Variants in UBE3C observed in about 807,000 individuals in gnomAD.
The protein encoded by UBE3C is ubiquitin protein ligase E3C, also known as ubiquitin-protein ligase E3C.
A neutral mutation model predicts 129.4 loss-of-function variants in UBE3C; 42 were observed. The ratio of observed to expected loss-of-function variants is 0.32; its 90% CI spans 0.25 to 0.42. The LOEUF (loss-of-function observed/expected upper bound fraction) is 0.42, where lower values mean the gene tolerates loss of function less well. Among genes scored for constraint, UBE3C ranks in the 10% least tolerant of loss-of-function variants. The probability of loss-of-function intolerance (pLI) is 1.00; values close to 1 mark genes in which losing one functional copy is unlikely to be tolerated. For missense variants in UBE3C, 1,049 were observed against 1,319.1 expected (o/e 0.80, Z 3.17); for synonymous variants, 510 against 492.4 (o/e 1.04, Z -0.47).
intron 2 of UBE3C, among the ~76,000 whole-genome samples, chr7:157,165,232 T>A (rs1272029552): frequency 6.6e-6 from 1 of 152,074 alleles, no homozygotes; most frequent in Non-Finnish European, 1.5e-5. Context: ...CTTCTCCTCC[T>A]CTCCTACTTG....
intron 9 of UBE3C, among the ~76,000 whole-genome samples, chr7:157,184,442 T>C (rs1427653396): frequency 1.3e-5 from 2 of 152,242 alleles, no homozygotes; most frequent in African/African-American, 4.8e-5. Context: ...AAAATTACTT[T>C]CAAGTTCTTA....
chr7:157,166,696 C>T (rs190522167), intron 2 of UBE3C, among the ~76,000 whole-genome samples: 15 of 146,656 alleles, frequency 1.0e-4, no homozygotes, highest in African/African-American at 2.0e-4. Flanking sequence ...GCTGAGATCA[C>T]GCTGTTGCAC....
intron 14 of UBE3C, among the ~76,000 whole-genome samples, chr7:157,220,190 G>A (rs1795699026): frequency 6.6e-6 from 1 of 152,114 alleles, no homozygotes; most frequent in African/African-American, 2.4e-5. Flanking sequence ...CAGCCTGGGT[G>A]ACAGAGTGAG....
chr7:157,164,190 T>C (rs922005598), intron 2 of UBE3C, among the ~76,000 whole-genome samples: 4 of 152,048 alleles, frequency 2.6e-5, no homozygotes, highest in African/African-American at 9.7e-5. Context: ...TACTGAGTCT[T>C]GCTCTGTGAC....
chr7:157,192,903 G>A (rs571364835), intron 10 of UBE3C: 1 of 743,648 alleles, frequency 1.3e-6, no homozygotes, highest in South Asian at 1.6e-5. Context: ...GAAGACATTT[G>A]AGGTAGTGAA....
chr7:157,159,215 A>G (rs1807999636), intron 1 of UBE3C, among the ~76,000 whole-genome samples: 1 of 152,152 alleles, frequency 6.6e-6, no homozygotes, highest in African/African-American at 2.4e-5. Context: ...ACACACCATG[A>G]TTGTGGAGGA....
In UBE3C at chr7:157,171,457, C is replaced by G. The variant is rs139793291; in HGVS notation, c.342+1007C>G. Among the ~76,000 whole-genome samples, 755 of 151,626 alleles carry G rather than the reference C, an allele frequency of 5.0e-3. 1 individual carries two copies. Among genetic ancestry groups the G allele is most frequent in the Middle Eastern group, 0.024 (7 of 294 alleles). On this transcript the variant is annotated intron_variant, in intron 4 of 22. Coordinates refer to ENST00000348165, the MANE Select transcript of UBE3C (RefSeq NM_014671.3). ...GGTCTCATGTTTTTAAAAAAAATCCCAAATGTAATCGTAGTTCTCTAAAAT... is the reference window on the plus strand; with the variant it reads ...GGTCTCATGTTTTTAAAAAAAATCCGAAATGTAATCGTAGTTCTCTAAAAT...
intron 18 of UBE3C, among the ~76,000 whole-genome samples, chr7:157,244,842 C>T (rs1284804463): frequency 6.6e-6 from 1 of 152,298 alleles, no homozygotes; most frequent in East Asian, 1.9e-4. Context: ...CAGGTCTTTT[C>T]CATATACCTA....
intron 22 of UBE3C, among the ~76,000 whole-genome samples, chr7:157,265,658 G>A (rs774726686): frequency 6.6e-6 from 1 of 152,196 alleles, no homozygotes; most frequent in Non-Finnish European, 1.5e-5. Flanking sequence ...ATTATCAGAT[G>A]AGAAAAGCAC....
intron 13 of UBE3C, among the ~76,000 whole-genome samples, chr7:157,215,109 G>A (rs984269300): frequency 3.9e-5 from 6 of 152,300 alleles, no homozygotes; most frequent in African/African-American, 1.2e-4. Flanking sequence ...AAATTGGCAC[G>A]AAATACCCAC....
intron 18 of UBE3C, among the ~76,000 whole-genome samples, chr7:157,247,101 G>A (rs1043821868): frequency 6.6e-6 from 1 of 152,040 alleles, no homozygotes; most frequent in Non-Finnish European, 1.5e-5. Context: ...ATGTCGGTTG[G>A]TCTGGAACTC....
At position 157,207,705 on chromosome 7, in the gene UBE3C, G is replaced by T. The variant is rs755259671; in HGVS notation, c.1579G>T (p.Val527Leu). The change falls in exon 13 of 23, where the codon GTA becomes TTA. Residue 527 changes from valine (V) to leucine (L), a missense_variant and splice_region_variant. By Grantham distance (32) the Val-to-Leu change is conservative. Transcript: ENST00000348165. ...GAAAACTGGATTGTGTTTTTTAGTT[G>T]TAGGTCAAAGACAATCATCAATGAT... The part of the protein sequence containing the change: ...NEFFGDPIEV[V>L]GQRQSSMMPF... The T allele has an allele frequency of 5.0e-6, 8 of 1,609,904 alleles. No individual in the cohort carries two copies. Among genetic ancestry groups the T allele is most frequent in the South Asian group, 1.1e-5 (1 of 89,956 alleles).
At chr7:157,229,798 GA>G (rs1795973881) in intron 17 of UBE3C, among the ~76,000 whole-genome samples, 1 of 151,652 alleles carries the variant, frequency 6.6e-6, no homozygotes, top group Admixed American at 6.6e-5. Flanking sequence ...ATTTTGTAGA[GA>G]CAGGGTCTTG....
intron 21 of UBE3C, among the ~76,000 whole-genome samples, chr7:157,256,030 C>T (rs893163712): frequency 1.3e-5 from 2 of 152,162 alleles, no homozygotes; most frequent in Non-Finnish European, 2.9e-5. Context: ...GTCTGTTCAG[C>T]GGCGGCTTTG....
intron 8 of UBE3C, 110 bp from the exon 9 acceptor site, chr7:157,183,768 A>C: frequency 7.6e-7 from 1 of 1,323,758 alleles, no homozygotes; most frequent in South Asian, 1.5e-5. Flanking sequence ...TTTAAAAATA[A>C]GATCTGGTCA....
At chr7:157,245,007 A>C (rs370588602) in intron 18 of UBE3C, among the ~76,000 whole-genome samples, 2 of 152,322 alleles carry the variant, frequency 1.3e-5, no homozygotes, top group South Asian at 2.1e-4. Context: ...TGTGTTTAGA[A>C]AATACCTTGA....
chr7:157,264,312 CA>C (rs1797010540), intron 22 of UBE3C, among the ~76,000 whole-genome samples: 1 of 143,080 alleles, frequency 7.0e-6, no homozygotes, highest in South Asian at 2.3e-4. Flanking sequence ...CACACACACA[CA>C]CACACCTGGT....
At chr7:157,160,280 G>A (rs552437141) in intron 1 of UBE3C, among the ~76,000 whole-genome samples, 1 of 152,224 alleles carries the variant, frequency 6.6e-6, no homozygotes, top group Admixed American at 6.5e-5. Flanking sequence ...CCACCATGTA[G>A]GTCAGGCTGG....
In UBE3C at chr7:157,181,598, A is replaced by G. The variant is rs371895888; in HGVS notation, c.697A>G (p.Ile233Val). 3.1e-6 allele frequency: 5 copies of G among 1,613,544 alleles called. No homozygotes were observed. Among genetic ancestry groups the G allele is most frequent in the Admixed American group, 3.3e-5 (2 of 59,906 alleles). Residue 233 changes from isoleucine to valine, a missense_variant, in exon 7 of 23, where the codon ATA becomes GTA. Physicochemically the swap from Ile to Val is conservative, Grantham distance 29. Transcript: ENST00000348165. The stretch of plus-strand genomic sequence containing the variant: ...ATATTCTGATTTATCTCGAGTTCCT[A>G]TAGCAAAAATTTTGCTAGAGAATGT... ...IEYSDLSRVP[I>V]AKILLENVLK...
Sources: gnomAD v4.1 joint callset for allele counts (sites outside exome capture counted in the v4.1 genomes callset) on GRCh38, gnomAD v4.1.1 for gene constraint, MANE v1.5 for transcripts, NCBI Gene and HGNC (gene_info 2026-07-23, HGNC 2026-07-21) for gene names.